Variants in ZBTB7C observed in about 807,000 individuals in gnomAD.
ZBTB7C encodes the protein zinc finger and BTB domain-containing protein 7C.
Under a neutral mutation model 25.7 loss-of-function variants are expected in ZBTB7C, and 8 were observed. The observed-to-expected ratio is 0.31, with a 90% CI of 0.18 to 0.56. The LOEUF is 0.56. Among genes scored for constraint, ZBTB7C ranks in the 20% least tolerant of loss-of-function variants. The probability of loss-of-function intolerance (pLI) is 0.91; values close to 1 mark genes in which losing one functional copy is unlikely to be tolerated. For synonymous variants in ZBTB7C, 394 were observed against 369.0 expected (o/e 1.07, Z -0.78); for missense variants, 824 against 855.2 (o/e 0.96, Z 0.46).
intron 3 of ZBTB7C, among the ~76,000 whole-genome samples, chr18:48,114,173 G>T (rs532389044): frequency 1.2e-4 from 19 of 152,198 alleles, no homozygotes; most frequent in Non-Finnish European, 2.5e-4. Context: ...ACTGGGAACT[G>T]ATGGATGGGT....
chr18:48,307,739 T>C (rs2045709761), intron 2 of ZBTB7C, among the ~76,000 whole-genome samples: 1 of 152,086 alleles, frequency 6.6e-6, no homozygotes, highest in African/African-American at 2.4e-5. Flanking sequence ...TCCCAGCTAC[T>C]TGGGAGGCCA....
At chr18:48,272,146 T>C (rs1401799170) in intron 2 of ZBTB7C, among the ~76,000 whole-genome samples, 4 of 152,226 alleles carry the variant, frequency 2.6e-5, no homozygotes, top group Admixed American at 6.5e-5. Flanking sequence ...GTCATGTGTG[T>C]CTGTAAGGAT....
In ZBTB7C at chr18:48,167,798, G is replaced by C. The variant is rs190579541; in HGVS notation, c.-17+18136C>G. ...CAGGGTTTCAAGGTTTCTTTGAGAA[G>C]ATGCTAGAGCAATGACTACAGAGCT... On this transcript the variant is annotated intron_variant, in intron 3 of 4. Transcript: ENST00000590800. Among the ~76,000 whole-genome samples the C allele has an allele frequency of 4.6e-5, 7 of 152,344 alleles. No homozygotes were observed. The East Asian group carries it at 1.2e-3, about 25-fold the overall frequency.
intron 3 of ZBTB7C, among the ~76,000 whole-genome samples, chr18:48,161,976 C>T (rs2144958740): frequency 6.6e-6 from 1 of 152,152 alleles, no homozygotes; most frequent in South Asian, 2.1e-4. Context: ...ACCGCCCCTG[C>T]CCACGGTTAC....
At chr18:48,274,897 T>C (rs1192284293) in intron 2 of ZBTB7C, among the ~76,000 whole-genome samples, 1 of 152,106 alleles carries the variant, frequency 6.6e-6, no homozygotes, top group African/African-American at 2.4e-5. Flanking sequence ...TGAGGAGCTA[T>C]TTGCAAAGGT....
intron 3 of ZBTB7C, among the ~76,000 whole-genome samples, chr18:48,059,208 G>A (rs2037034481): frequency 6.6e-6 from 1 of 151,872 alleles, no homozygotes; most frequent in Admixed American, 6.6e-5. Flanking sequence ...TTTTGCCTGG[G>A]TTTTGTGTGT....
chr18:48,381,736 G>A (rs1411333892), intron 1 of ZBTB7C, among the ~76,000 whole-genome samples: 1 of 152,216 alleles, frequency 6.6e-6, no homozygotes, highest in Non-Finnish European at 1.5e-5. Context: ...GACATTGAAG[G>A]ACAGCTAGGA....
At chr18:48,201,827 C>T (rs984449881) in intron 2 of ZBTB7C, among the ~76,000 whole-genome samples, 8 of 152,248 alleles carry the variant, frequency 5.3e-5, no homozygotes, top group Admixed American at 2.0e-4. Flanking sequence ...TTCCTAGCAG[C>T]CTTTGTTCCA....
At chr18:48,111,241 G>A (rs191569408) in intron 3 of ZBTB7C, among the ~76,000 whole-genome samples, 52 of 152,276 alleles carry the variant, frequency 3.4e-4, no homozygotes, top group African/African-American at 1.2e-3. Context: ...TAGAATGGGG[G>A]CTCAAGCAAC....
intron 2 of ZBTB7C, among the ~76,000 whole-genome samples, chr18:48,216,359 T>C (rs1403719971): frequency 2.0e-5 from 3 of 152,198 alleles, no homozygotes; most frequent in African/African-American, 4.8e-5. Flanking sequence ...ATGCAGTCTC[T>C]GGTCTCTGAG....
At chr18:48,273,425 T>C (rs1305858058) in intron 2 of ZBTB7C, among the ~76,000 whole-genome samples, 1 of 151,982 alleles carries the variant, frequency 6.6e-6, no homozygotes, top group African/African-American at 2.4e-5. Flanking sequence ...ATGGAAAACT[T>C]GGCATTATAA....
rs753027825 is a variant in ZBTB7C at position 48,348,818 on chromosome 18, AAAAC to A, written c.-303-10424_-303-10421del. Among the ~76,000 whole-genome samples the A allele has an allele frequency of 3.3e-5, 5 of 152,262 alleles. 1 individual carries two copies. Among genetic ancestry groups the A allele is most frequent in the Non-Finnish European group, 5.9e-5 (4 of 68,054 alleles). ...GGTGACAAGGCTAGACTTTGTATCA[AAAAC>A]AAACAAACAAAAAACACAGCTCCTG... On this transcript the variant is annotated intron_variant, in intron 1 of 4. Transcript: ENST00000590800.
At chr18:48,292,669 T>C (rs1464500833) in intron 2 of ZBTB7C, among the ~76,000 whole-genome samples, 2 of 152,178 alleles carry the variant, frequency 1.3e-5, no homozygotes, top group Admixed American at 1.3e-4. Context: ...GATGAAAGAC[T>C]GAGGATCAAG....
intron 3 of ZBTB7C, chr18:48,041,467 C>A: frequency 1.0e-6 from 1 of 985,450 alleles, no homozygotes; most frequent in Non-Finnish European, 1.2e-6. Context: ...TGAAAAGCCT[C>A]ATGAACCTAG....
intron 3 of ZBTB7C, among the ~76,000 whole-genome samples, chr18:48,156,023 C>T (rs1003430473): frequency 6.6e-6 from 1 of 152,210 alleles, no homozygotes; most frequent in African/African-American, 2.4e-5. Context: ...TGGCTAATCT[C>T]CTCCACAAGA....
chr18:48,220,271 A>G (rs1482545041), intron 2 of ZBTB7C, among the ~76,000 whole-genome samples: 1 of 152,148 alleles, frequency 6.6e-6, no homozygotes, highest in Non-Finnish European at 1.5e-5. Context: ...CAGGATGGAG[A>G]GGGGATGAAT....
chr18:48,107,428 G>A lies in ZBTB7C; in HGVS notation c.-16-66305C>T, dbSNP rs970541656. Among the ~76,000 whole-genome samples the A allele has an allele frequency of 3.3e-5, 5 of 151,538 alleles. No individual in the cohort carries two copies. In the East Asian group the frequency reaches 9.7e-4, roughly 30 times the overall value. On this transcript the variant is annotated intron_variant, in intron 3 of 4. Coordinates refer to ENST00000590800, the MANE Select transcript of ZBTB7C (RefSeq NM_001318841.2). Reference sequence around the variant, plus strand: ...GAAGAAAGAGGGAAGAAGAGGAAGAGGAGAGGGAGGAGGGCTGGGACCAGC... The same window carrying A: ...GAAGAAAGAGGGAAGAAGAGGAAGAAGAGAGGGAGGAGGGCTGGGACCAGC...
At chr18:48,385,163 C>T (rs143149089) in intron 1 of ZBTB7C, among the ~76,000 whole-genome samples, 101 of 152,294 alleles carry the variant, frequency 6.6e-4, no homozygotes, top group African/African-American at 2.1e-3. Context: ...ATGGGGTTAC[C>T]GCGATGGCCT....
At chr18:48,372,894 C>A (rs773351570) in intron 1 of ZBTB7C, among the ~76,000 whole-genome samples, 2 of 152,148 alleles carry the variant, frequency 1.3e-5, no homozygotes, top group Non-Finnish European at 2.9e-5. Flanking sequence ...AACTGGCAAT[C>A]GTTCCTCAAT....
Sources: allele counts gnomAD v4.1 joint callset (sites outside exome capture counted in the v4.1 genomes callset), GRCh38; gene constraint gnomAD v4.1.1; transcripts MANE v1.5; gene names NCBI Gene and HGNC (gene_info 2026-07-23, HGNC 2026-07-21).